Variants in SLC12A6 observed in about 807,000 individuals in gnomAD.
SLC12A6 encodes the protein solute carrier family 12 member 6.
A neutral mutation model predicts 135.3 loss-of-function variants in SLC12A6; 66 were observed. The ratio of observed to expected loss-of-function variants is 0.49; its 90% CI spans 0.40 to 0.60. The LOEUF (loss-of-function observed/expected upper bound fraction) is 0.60, where lower values mean the gene tolerates loss of function less well. Among genes scored for constraint, SLC12A6 ranks in the 20% least tolerant of loss-of-function variants. The pLI is 0.00. For missense variants in SLC12A6, 1,058 were observed against 1,452.3 expected (o/e 0.73, Z 4.41); for synonymous variants, 513 against 508.8 (o/e 1.01, Z -0.11).
chr15:34,284,949 T>G (rs1386362980), intron 2 of SLC12A6, among the ~76,000 whole-genome samples: 1 of 152,190 alleles, frequency 6.6e-6, no homozygotes, highest in Non-Finnish European at 1.5e-5. Flanking sequence ...TGTATTGACA[T>G]GTTTGATGAA....
intron 5 of SLC12A6, 141 bp from the exon 6 acceptor site, chr15:34,257,929 C>A: frequency 3.1e-6 from 2 of 642,470 alleles, no homozygotes; most frequent in Non-Finnish European, 5.5e-6. Context: ...TTCAAAAGGG[C>A]ACATATAAAA....
At chr15:34,318,763 G>T (rs347867) in intron 2 of SLC12A6, 167 of 1,594,536 alleles carry the variant, frequency 1.0e-4, no homozygotes, top group Non-Finnish European at 1.4e-4. Context: ...CCTTGCTGTC[G>T]TTTCAGACTG....
chr15:34,252,785 T>C (rs1022781601), intron 9 of SLC12A6, among the ~76,000 whole-genome samples: 3 of 152,232 alleles, frequency 2.0e-5, no homozygotes, highest in South Asian at 4.1e-4. Context: ...TTGGCTAAAA[T>C]TGTTAGGTCT....
rs145186782 is a variant in SLC12A6 at position 34,260,929 on chromosome 15, A to G, written c.408T>C (p.Phe136=). ...ATAGTTTTCTCCAAAATATTACCTC[A>G]AAGAGTGCCAAATTTTTATCAAAAT... ...DEYFDKNLAL[F]EEEMDTRPKV... Residue 136 remains phenylalanine, a synonymous_variant, in exon 4 of 26, where the codon TTT becomes TTC. Coordinates refer to ENST00000354181, the MANE Select transcript of SLC12A6 (RefSeq NM_001365088.1). The G allele has an allele frequency of 0.01, 13,416 of 1,327,978 alleles. 91 individuals are homozygous for G. The highest frequency in any genetic ancestry group is 0.011 in the Non-Finnish European group (9,961 of 918,862). The allele number at this position is 1,327,978 out of a possible 1,614,324, so 82.3% of individuals were successfully genotyped here. A position where few individuals can be genotyped will look rare whatever the true frequency, so the allele number is the denominator to read the frequency against.
chr15:34,238,557 T>C (rs1891433571), intron 20 of SLC12A6, 156 bp from the exon 21 acceptor site: 8 of 678,600 alleles, frequency 1.2e-5, no homozygotes, highest in Non-Finnish European at 2.1e-5. Flanking sequence ...AAAACCATTG[T>C]GAAAAATCTG....
chr15:34,247,679 T>C (rs575814106), intron 13 of SLC12A6, among the ~76,000 whole-genome samples: 1 of 151,694 alleles, frequency 6.6e-6, no homozygotes, highest in African/African-American at 2.4e-5. Flanking sequence ...CCCCACTCAT[T>C]AGTCCTTTCT....
intron 2 of SLC12A6, among the ~76,000 whole-genome samples, chr15:34,326,718 G>T (rs972915945): frequency 4.1e-5 from 6 of 146,086 alleles, no homozygotes; most frequent in Non-Finnish European, 7.4e-5. Context: ...TTGATACAGG[G>T]TCTTGCTCTG....
At chr15:34,288,033 T>C (rs1895232957) in intron 2 of SLC12A6, among the ~76,000 whole-genome samples, 1 of 152,252 alleles carries the variant, frequency 6.6e-6, no homozygotes, top group African/African-American at 2.4e-5. Flanking sequence ...TTTGGTGTTT[T>C]AGACATGAAG....
chr15:34,330,192 T>C (rs562135395), intron 2 of SLC12A6, among the ~76,000 whole-genome samples: 2 of 152,198 alleles, frequency 1.3e-5, no homozygotes, highest in African/African-American at 4.8e-5. Context: ...TCTTTTTATC[T>C]GTAACAGCTT....
chr15:34,242,674 C>T (rs1425014650), intron 16 of SLC12A6, among the ~76,000 whole-genome samples: 1 of 152,154 alleles, frequency 6.6e-6, no homozygotes, highest in Non-Finnish European at 1.5e-5. Flanking sequence ...TAAAAAATTT[C>T]ATATAAATAT....
In SLC12A6 at chr15:34,336,461, C is replaced by G. The variant is rs201704500; in HGVS notation, c.220G>C (p.Ala74Pro). 3.0e-5 allele frequency: 48 copies of G among 1,613,784 alleles called. No homozygotes were observed. The African/African-American group carries it at 6.3e-4, about 21-fold the overall frequency. The change falls in exon 2 of 26, where the codon GCA (alanine) becomes CCA (proline). Residue 74 changes from alanine to proline, a missense_variant. Ala to Pro is a conservative substitution (Grantham distance 27, BLOSUM62 -1). Coordinates refer to ENST00000354181, the MANE Select transcript of SLC12A6 (RefSeq NM_001365088.1). ...GTCCGGTCACTGGGTGGATCCAGTG[C>G]AACAGTTGCCAGCGAAGTGGTGGCC... is the stretch of plus-strand genomic sequence containing the variant. Reference protein sequence around the residue: ...SGATTSLATVALDPPSDRTSH... With the variant: ...SGATTSLATVPLDPPSDRTSH...
intron 2 of SLC12A6, among the ~76,000 whole-genome samples, chr15:34,279,894 T>A (rs1355947775): frequency 6.6e-6 from 1 of 152,234 alleles, no homozygotes; most frequent in African/African-American, 2.4e-5. Context: ...TGAAAATATT[T>A]CCTTGTAACA....
intron 2 of SLC12A6, among the ~76,000 whole-genome samples, chr15:34,302,399 A>G (rs1036835625): frequency 1.3e-5 from 2 of 152,234 alleles, no homozygotes; most frequent in African/African-American, 4.8e-5. Context: ...TTATGTATAA[A>G]GAAGATTATG....
chr15:34,265,476 T>G (rs181941494), intron 3 of SLC12A6, among the ~76,000 whole-genome samples: 1 of 150,114 alleles, frequency 6.7e-6, no homozygotes, highest in Admixed American at 6.6e-5. Context: ...AAGTGGTAAG[T>G]TCAAGGAAGA....
chr15:34,323,655 A>T (rs1798306984), intron 2 of SLC12A6, among the ~76,000 whole-genome samples: 1 of 152,192 alleles, frequency 6.6e-6, no homozygotes, highest in African/African-American at 2.4e-5. Flanking sequence ...CTGCTGATTT[A>T]AAAGACTGTT....
chr15:34,323,743 G>A (rs975842472), intron 2 of SLC12A6, among the ~76,000 whole-genome samples: 1 of 152,092 alleles, frequency 6.6e-6, no homozygotes, highest in African/African-American at 2.4e-5. Context: ...TTGAGCTCAG[G>A]AGTTTGAGAC....
In SLC12A6 at chr15:34,281,555, C is replaced by T. The variant is rs535536186; in HGVS notation, c.272-6166G>A. ...CTGTAATCCTGGCGCCTTGGGAGGC[C>T]GAGGCGAGTGGATCACGAGGTCAGG... On this transcript the variant is annotated intron_variant, in intron 2 of 25. Transcript: ENST00000354181. Among the ~76,000 whole-genome samples, 479 of 140,656 alleles carry T rather than the reference C, an allele frequency of 3.4e-3. 2 individuals carry two copies. Among genetic ancestry groups the T allele is most frequent in the Non-Finnish European group, 5.2e-3 (339 of 65,758 alleles). 92.3% of individuals were successfully genotyped at this position (140,656 alleles called of 152,430 possible).
At chr15:34,244,629 C>T (rs1257481137) in intron 15 of SLC12A6, among the ~76,000 whole-genome samples, 2 of 152,218 alleles carry the variant, frequency 1.3e-5, no homozygotes, top group African/African-American at 4.8e-5. Flanking sequence ...TCCACTCTAG[C>T]CAAGCCAAAC....
At chr15:34,292,357 G>A (rs2140975106) in intron 2 of SLC12A6, among the ~76,000 whole-genome samples, 1 of 152,262 alleles carries the variant, frequency 6.6e-6, no homozygotes, top group South Asian at 2.1e-4. Flanking sequence ...TCCTTCCTCT[G>A]GAAGCTTCGT....
Sources: allele counts gnomAD v4.1 joint callset (sites outside exome capture counted in the v4.1 genomes callset), GRCh38; gene constraint gnomAD v4.1.1; transcripts MANE v1.5; gene names NCBI Gene and HGNC (gene_info 2026-07-23, HGNC 2026-07-21).